Variants in DTWD2 observed in about 807,000 individuals in gnomAD.
The protein encoded by DTWD2 is DTW motif tRNA-uridine aminocarboxypropyltransferase 2.
A neutral mutation model predicts 31.8 loss-of-function variants in DTWD2; 39 were observed. The ratio of observed to expected loss-of-function variants is 1.22; its 90% CI spans 0.95 to 1.60. DTWD2 has a LOEUF of 1.60. Among genes scored for constraint, DTWD2 ranks in the 40% most tolerant of loss-of-function variants. The pLI is 0.00. For synonymous variants in DTWD2, 180 were observed against 142.8 expected, an observed-to-expected ratio of 1.26 and a Z score of -1.86; for missense variants, 515 against 381.5, an observed-to-expected ratio of 1.35 and a Z score of -2.92.
At position 118,885,381 on chromosome 5, in the gene DTWD2, G is replaced by A. The variant is rs552961062; in HGVS notation, c.598-37163C>T. Among the ~76,000 whole-genome samples the A allele has an allele frequency of 2.9e-4, 44 of 150,068 alleles. No individual in the cohort carries two copies. In the East Asian group the frequency reaches 7.5e-3, roughly 25 times the overall value. ...GCGGAAGAATCGCTTGAACCCGGGAGGTGGAGGTAGCAGCGAGCCGAGATC... is the reference window on the plus strand; with the variant it reads ...GCGGAAGAATCGCTTGAACCCGGGAAGTGGAGGTAGCAGCGAGCCGAGATC... On this transcript the variant is annotated intron_variant, in intron 4 of 5. Transcript: ENST00000510708.
intron 1 of DTWD2, among the ~76,000 whole-genome samples, chr5:118,952,229 T>A (rs182524625): frequency 2.8e-4 from 42 of 152,264 alleles, no homozygotes; most frequent in Non-Finnish European, 1.0e-4. Flanking sequence ...GGGATTGATC[T>A]CCCAAGGGAG....
intron 4 of DTWD2, among the ~76,000 whole-genome samples, chr5:118,909,867 C>G (rs1753419538): frequency 6.6e-6 from 1 of 152,206 alleles, no homozygotes; most frequent in Non-Finnish European, 1.5e-5. Context: ...GCCACTAGAC[C>G]TGGTTCCATA....
At chr5:118,928,487 A>C in intron 4 of DTWD2, 50 bp downstream of exon 4, 25 of 1,278,330 alleles carry the variant, frequency 2.0e-5, no homozygotes, top group South Asian at 2.5e-5. Flanking sequence ...CATACACAAT[A>C]TACCTAATTA....
intron 4 of DTWD2, among the ~76,000 whole-genome samples, chr5:118,923,591 G>A (rs1191598912): frequency 6.6e-6 from 1 of 152,160 alleles, no homozygotes; most frequent in Non-Finnish European, 1.5e-5. Context: ...AAAGCCCTAG[G>A]ATCAAGGTAA....
chr5:118,977,363 A>C (rs1161081311), intron 1 of DTWD2, among the ~76,000 whole-genome samples: 2 of 152,232 alleles, frequency 1.3e-5, no homozygotes, highest in Non-Finnish European at 2.9e-5. Flanking sequence ...AAAGAAAGAA[A>C]GGGTATTCAA....
At chr5:118,945,517 C>A (rs1348364342) in intron 1 of DTWD2, among the ~76,000 whole-genome samples, 2 of 152,034 alleles carry the variant, frequency 1.3e-5, no homozygotes, top group Non-Finnish European at 2.9e-5. Flanking sequence ...GTAATCCCAG[C>A]ACTTTGGGAG....
chr5:118,859,183 G>T (rs150476118), intron 4 of DTWD2, among the ~76,000 whole-genome samples: 140 of 150,174 alleles, frequency 9.3e-4, no homozygotes, highest in African/African-American at 3.2e-3. Context: ...GATTTCCTCG[G>T]TATCTAGCTG....
At chr5:118,906,038 A>G (rs754230352) in intron 4 of DTWD2, among the ~76,000 whole-genome samples, 5 of 152,212 alleles carry the variant, frequency 3.3e-5, no homozygotes, top group Admixed American at 6.5e-5. Flanking sequence ...TATAAAAATG[A>G]GCAAAAGATG....
At chr5:118,909,305 GC>G (rs1178924675) in intron 4 of DTWD2, among the ~76,000 whole-genome samples, 11 of 152,254 alleles carry the variant, frequency 7.2e-5, no homozygotes. Flanking sequence ...CACTGCAGAT[GC>G]CCCACAGTTG....
chr5:118,983,710 C>T (rs1170232558), intron 1 of DTWD2, among the ~76,000 whole-genome samples: 1 of 152,184 alleles, frequency 6.6e-6, no homozygotes, highest in Non-Finnish European at 1.5e-5. Flanking sequence ...GGTGATAATA[C>T]CTACTGTGCA....
rs1753894885 is a variant in DTWD2 at position 118,930,282 on chromosome 5, C to G, written c.405-1553G>C. 2.0e-5 allele frequency among the ~76,000 whole-genome samples: 3 copies of G among 152,062 alleles called. No homozygotes were observed. The South Asian group carries it at 6.2e-4, about 31-fold the overall frequency. ...AAAAATGTGTCAAAGCTTTTTGGTACTGGAGACAAAACAATGAATGAGACA... is the reference window on the plus strand; with the variant it reads ...AAAAATGTGTCAAAGCTTTTTGGTAGTGGAGACAAAACAATGAATGAGACA... On this transcript the variant is annotated intron_variant, in intron 3 of 5. Transcript: ENST00000510708.
chr5:118,929,609 C>T (rs576945101), intron 3 of DTWD2, among the ~76,000 whole-genome samples: 42 of 152,188 alleles, frequency 2.8e-4, no homozygotes, highest in African/African-American at 9.4e-4. Flanking sequence ...AATTAAATTC[C>T]TTTAAATTTA....
At chr5:118,960,312 A>G (rs2149592667) in intron 1 of DTWD2, among the ~76,000 whole-genome samples, 2 of 152,322 alleles carry the variant, frequency 1.3e-5, no homozygotes, top group East Asian at 1.9e-4. Flanking sequence ...ACGGCAAAGA[A>G]GCATATGAAA....
intron 2 of DTWD2, among the ~76,000 whole-genome samples, chr5:118,941,328 C>T (rs1487259931): frequency 5.3e-5 from 8 of 152,188 alleles, no homozygotes; most frequent in Non-Finnish European, 1.2e-4. Flanking sequence ...CCTCCCCACA[C>T]CCCTCACCCT....
At chr5:118,860,140 T>A (rs1184485346) in intron 4 of DTWD2, among the ~76,000 whole-genome samples, 2 of 150,284 alleles carry the variant, frequency 1.3e-5, no homozygotes, top group African/African-American at 4.9e-5. Flanking sequence ...TAAAAATATA[T>A]ATAAATATAT....
chr5:118,865,995 C>CGT (rs3068505), intron 4 of DTWD2, among the ~76,000 whole-genome samples: 2,139 of 146,770 alleles, frequency 0.015, 20 homozygotes, highest in African/African-American at 0.025. Context: ...CGTGTGTCTG[C>CGT]GTGTGTGTGT....
chr5:118,874,991 A>C (rs1335528815), intron 4 of DTWD2, among the ~76,000 whole-genome samples: 1 of 152,182 alleles, frequency 6.6e-6, no homozygotes, highest in African/African-American at 2.4e-5. Flanking sequence ...TACAAAGAGA[A>C]ACCCATCAGA....
chr5:118,960,817 G>T (rs544497228), intron 1 of DTWD2, among the ~76,000 whole-genome samples: 4 of 152,012 alleles, frequency 2.6e-5, no homozygotes, highest in Non-Finnish European at 5.9e-5. Context: ...GTGAACTAAC[G>T]CAAGAACAGA....
intron 4 of DTWD2, among the ~76,000 whole-genome samples, chr5:118,914,141 C>A (rs1001550508): frequency 1.3e-5 from 2 of 151,914 alleles, no homozygotes; most frequent in Admixed American, 6.6e-5. Context: ...TAAATGTGTC[C>A]CCTAGAATTC....
Sources: gnomAD v4.1 joint callset for allele counts (sites outside exome capture counted in the v4.1 genomes callset) on GRCh38, gnomAD v4.1.1 for gene constraint, MANE v1.5 for transcripts, NCBI Gene and HGNC (gene_info 2026-07-23, HGNC 2026-07-21) for gene names.